The following ZNF519 variants were observed in gnomAD, a reference collection of about 807,000 sequenced individuals.
ZNF519 encodes zinc finger protein 519.
In ZNF519, 7 loss-of-function variants were observed where a neutral mutation model predicts 7.4. The ratio of observed to expected loss-of-function variants is 0.94; its 90% CI spans 0.54 to 1.77. The LOEUF is 1.77. Among genes scored for constraint, ZNF519 ranks in the 40% most tolerant of loss-of-function variants. ZNF519 has a pLI of 0.00. For missense variants in ZNF519, 586 were observed against 623.1 expected (o/e 0.94, Z 0.63); for synonymous variants, 179 against 203.3 (o/e 0.88, Z 1.02).
chr18:14,106,000 A>T lies in ZNF519; in HGVS notation c.540T>A (p.Tyr180Ter). 1 of 1,579,536 alleles carries T rather than the reference A, an allele frequency of 6.3e-7. No individual in the cohort carries two copies. ...KHHSTHFLEN[Y>*]YNCNECEKVF... ...CTTTTTCACATTCATTACAATTGTA[A>T]TAGTTTTCTAGAAAATGAGTACTAT... The change falls in exon 3 of 3, where the codon TAT (tyrosine) becomes TAA (stop). Residue 180 changes from tyrosine (Y) to a stop codon, truncating the protein, a stop_gained. Coordinates refer to ENST00000590202, the MANE Select transcript of ZNF519 (RefSeq NM_145287.4). LOFTEE classifies it low-confidence loss of function (END_TRUNC).
At chr18:14,088,211 C>T (rs2046099569) in intron 2 of ZNF519, among the ~76,000 whole-genome samples, 1 of 152,150 alleles carries the variant, frequency 6.6e-6, no homozygotes, top group African/African-American at 2.4e-5. Context: ...TTTATAGTAT[C>T]AAGACATTTG....
chr18:14,085,909 G>A (rs1188339768), intron 2 of ZNF519, among the ~76,000 whole-genome samples: 1 of 152,222 alleles, frequency 6.6e-6, no homozygotes, highest in East Asian at 1.9e-4. Flanking sequence ...CTTCGATAGT[G>A]GCATCAGGCC....
intron 2 of ZNF519, among the ~76,000 whole-genome samples, chr18:14,094,504 C>G (rs919485802): frequency 6.6e-6 from 1 of 152,096 alleles, no homozygotes; most frequent in Non-Finnish European, 1.5e-5. Context: ...TTGAATTTTA[C>G]AGATTGCTTT....
chr18:14,108,588 C>T (rs1363740449), intron 2 of ZNF519, among the ~76,000 whole-genome samples: 2 of 150,986 alleles, frequency 1.3e-5, no homozygotes, highest in Non-Finnish European at 2.9e-5. Flanking sequence ...ACTCTCCAAT[C>T]AAAAGACATA....
chr18:14,117,443 G>A (rs2046251260), intron 2 of ZNF519, among the ~76,000 whole-genome samples: 2 of 152,152 alleles, frequency 1.3e-5, no homozygotes, highest in Non-Finnish European at 2.9e-5. Flanking sequence ...CAAGAGCATA[G>A]AGGAATTGAA....
chr18:14,115,705 C>G (rs191882650), intron 2 of ZNF519, among the ~76,000 whole-genome samples: 1 of 152,054 alleles, frequency 6.6e-6, no homozygotes, highest in African/African-American at 2.4e-5. Context: ...TTCAAATATA[C>G]AAATAAATAA....
In ZNF519 at chr18:14,100,348, T is replaced by C. The variant is rs1341607911; in HGVS notation, c.*4569A>G. On this transcript the variant is annotated 3_prime_UTR_variant, in exon 3 of 3. Transcript: ENST00000590202. ...CCAGAGTAATGAAAACATGTATTCATATGAAACCTAGTACATGAATGTACA... is the reference window on the plus strand; with the variant it reads ...CCAGAGTAATGAAAACATGTATTCACATGAAACCTAGTACATGAATGTACA... 1 of 152,182 alleles carries C rather than the reference T, an allele frequency of 6.6e-6. No individual in the cohort carries two copies. The highest frequency in any genetic ancestry group is 2.4e-5 in the African/African-American group (1 of 41,430). 9.4% of individuals were successfully genotyped at this position (152,182 alleles called of 1,614,324 possible).
At chr18:14,107,952 CCCTGGCT>C (rs1453588486) in intron 2 of ZNF519, among the ~76,000 whole-genome samples, 1 of 152,110 alleles carries the variant, frequency 6.6e-6, no homozygotes, top group Non-Finnish European at 1.5e-5. Flanking sequence ...ATTGACTAGC[CCCTGGCT>C]CCTGGATGGC....
chr18:14,122,914 T>C (rs1679396810), intron 2 of ZNF519, among the ~76,000 whole-genome samples: 1 of 149,854 alleles, frequency 6.7e-6, no homozygotes, highest in Admixed American at 6.6e-5. Context: ...TATCTCCTAA[T>C]GTTATCCCTC....
intron 2 of ZNF519, among the ~76,000 whole-genome samples, chr18:14,107,553 CTA>C (rs1485384725): frequency 2.0e-5 from 3 of 152,102 alleles, no homozygotes; most frequent in Non-Finnish European, 2.9e-5. Context: ...AGAGGAAAAA[CTA>C]TAGAGGATTT....
intron 2 of ZNF519, among the ~76,000 whole-genome samples, chr18:14,092,361 A>C (rs1398957411): frequency 6.6e-6 from 1 of 152,172 alleles, no homozygotes; most frequent in African/African-American, 2.4e-5. Context: ...GTTTGGGAGA[A>C]GACTTTAGAC....
chr18:14,123,218 TAAA>T lies in ZNF519; in HGVS notation c.130+1129_130+1131del, dbSNP rs34503801. 7.0e-3 allele frequency: 1,014 copies of T among 143,904 alleles called. 1 individual carries two copies. The highest frequency in any genetic ancestry group is 0.035 in the Middle Eastern group (13 of 374). The allele number at this position is 143,904 out of a possible 1,614,324, so 8.9% of individuals were successfully genotyped here. A position where few individuals can be genotyped will look rare whatever the true frequency, so the allele number is the denominator to read the frequency against. On this transcript the variant is annotated intron_variant, in intron 2 of 2. Coordinates refer to ENST00000590202, the MANE Select transcript of ZNF519 (RefSeq NM_145287.4). The stretch of plus-strand genomic sequence containing the variant: ...TTAGAGATAGCAACACTTGTTTTAT[TAAA>T]AAAAAAAAAAAAAAAAATCAACATG...
At chr18:14,124,160 C>T (rs548812878) in intron 2 of ZNF519, 190 bp downstream of exon 2, 5 of 413,768 alleles carry the variant, frequency 1.2e-5, no homozygotes, top group East Asian at 1.3e-4. Flanking sequence ...GTAACAAGAG[C>T]GAAACTCTGT....
chr18:14,082,677 C>T (rs1465081734), intron 3 of ZNF519: 1 of 150,964 alleles, frequency 6.6e-6, no homozygotes, highest in Admixed American at 6.6e-5. Flanking sequence ...TTGGCTTTGA[C>T]CTCTTTTTTT....
intron 2 of ZNF519, among the ~76,000 whole-genome samples, chr18:14,123,655 G>A (rs1435712647): frequency 6.6e-6 from 1 of 152,138 alleles, no homozygotes; most frequent in African/African-American, 2.4e-5. Context: ...GGCAGAGGTT[G>A]CAGTGAACCA....
At chr18:14,086,505 T>A (rs546903854) in intron 2 of ZNF519, among the ~76,000 whole-genome samples, 1 of 152,256 alleles carries the variant, frequency 6.6e-6, no homozygotes, top group African/African-American at 2.4e-5. Flanking sequence ...CAGCACAGCA[T>A]GGAGACTGCT....
chr18:14,101,668 C>T lies in ZNF519; in HGVS notation c.*3249G>A, dbSNP rs1567944956. On this transcript the variant is annotated 3_prime_UTR_variant, in exon 3 of 3. Coordinates refer to ENST00000590202, the MANE Select transcript of ZNF519 (RefSeq NM_145287.4). The stretch of plus-strand genomic sequence containing the variant: ...TGGTTATAGAGACCATCTCTACACC[C>T]ACACCCCAATCGAGGCAGGAATGGC... 3 of 398,678 alleles carry T rather than the reference C, an allele frequency of 7.5e-6. No homozygotes were observed. The highest frequency in any genetic ancestry group is 8.8e-6 in the Non-Finnish European group (2 of 226,136). 24.7% of individuals were successfully genotyped at this position (398,678 alleles called of 1,614,324 possible). A position where few individuals can be genotyped will look rare whatever the true frequency, so the allele number is the denominator to read the frequency against.
chr18:14,073,773 G>A (rs957905184), downstream of ZNF519: 1 of 152,162 alleles, frequency 6.6e-6, no homozygotes, highest in Non-Finnish European at 1.5e-5. Flanking sequence ...ACAAAAATAT[G>A]AATGTAGATT....
rs551884769 is a variant in ZNF519, at chr18:14,102,337, T to G, written c.*2580A>C. On this transcript the variant is annotated 3_prime_UTR_variant, in exon 3 of 3. Transcript: ENST00000590202. ...AGCCCACCACCACACCCAGCTAATT[T>G]TTTGTATTTTTGGTAGAGAGAGGGT... 6.6e-6 allele frequency: 1 copy of G among 152,176 alleles called. No homozygotes were observed. The highest frequency in any genetic ancestry group is 1.5e-5 in the Non-Finnish European group (1 of 68,032). The allele number at this position is 152,176 out of a possible 1,614,324, so 9.4% of individuals were successfully genotyped here. A position where few individuals can be genotyped will look rare whatever the true frequency, so the allele number is the denominator to read the frequency against.
Sources: allele counts gnomAD v4.1 joint callset (sites outside exome capture counted in the v4.1 genomes callset), GRCh38; gene constraint gnomAD v4.1.1; transcripts MANE v1.5; gene names NCBI Gene and HGNC (gene_info 2026-07-23, HGNC 2026-07-21).